The following TMEM132D variants were observed in gnomAD, a reference collection of about 807,000 sequenced individuals.
The protein encoded by TMEM132D is mature OL transmembrane protein.
A neutral mutation model predicts 62.3 loss-of-function variants in TMEM132D; 21 were observed. The ratio of observed to expected loss-of-function variants is 0.34; its 90% CI spans 0.24 to 0.49. The LOEUF (loss-of-function observed/expected upper bound fraction) is 0.49, where lower values mean the gene tolerates loss of function less well. Among genes scored for constraint, TMEM132D ranks in the 20% least tolerant of loss-of-function variants. The probability of loss-of-function intolerance (pLI) is 0.99; values close to 1 mark genes in which losing one functional copy is unlikely to be tolerated. For synonymous variants in TMEM132D, 621 were observed against 575.6 expected (o/e 1.08, Z -1.13); for missense variants, 1,346 against 1,402.8 (o/e 0.96, Z 0.65).
chr12:129,143,348 G>A (rs1175622970), intron 5 of TMEM132D, among the ~76,000 whole-genome samples: 1 of 152,154 alleles, frequency 6.6e-6, no homozygotes. Flanking sequence ...ATGGGGGAGG[G>A]GGCATGGAGC....
chr12:129,692,019 G>A (rs1056477938), intron 2 of TMEM132D, among the ~76,000 whole-genome samples: 3 of 151,764 alleles, frequency 2.0e-5, no homozygotes, highest in African/African-American at 4.8e-5. Context: ...GAAAATTTAC[G>A]AACATTTAAG....
At chr12:129,760,183 A>C (rs897066218) in intron 1 of TMEM132D, among the ~76,000 whole-genome samples, 12 of 152,106 alleles carry the variant, frequency 7.9e-5, no homozygotes, top group Non-Finnish European at 1.0e-4. Context: ...CTGAGATTAC[A>C]GGCATGAGCC....
Position 129,391,882 on chromosome 12 carries a change from G to A in TMEM132D, c.1116-54065C>T, listed in dbSNP as rs144254779. 2.4e-3 allele frequency among the ~76,000 whole-genome samples: 369 copies of A among 151,618 alleles called. 4 individuals carry two copies. Among genetic ancestry groups the A allele is most frequent in the African/African-American group, 7.9e-3 (327 of 41,320 alleles). On this transcript the variant is annotated intron_variant, in intron 3 of 8. Coordinates refer to ENST00000422113, the MANE Select transcript of TMEM132D (RefSeq NM_133448.3). The stretch of plus-strand genomic sequence containing the variant: ...AGTGATTCTCCTGTCTCAGCCTCCC[G>A]AGTATCTGGGATTACAGGCGCCCAC...
At chr12:129,748,055 T>G (rs1283748385) in intron 1 of TMEM132D, among the ~76,000 whole-genome samples, 2 of 152,198 alleles carry the variant, frequency 1.3e-5, no homozygotes, top group Non-Finnish European at 2.9e-5. Context: ...GCAACAGGGC[T>G]TGGTGCATGG....
chr12:129,103,010 A>T (rs528454122), intron 5 of TMEM132D, among the ~76,000 whole-genome samples: 1 of 152,222 alleles, frequency 6.6e-6, no homozygotes, highest in Non-Finnish European at 1.5e-5. Flanking sequence ...CATACATATC[A>T]GCACATTTAC....
chr12:129,304,301 C>T (rs1881790865), intron 4 of TMEM132D, among the ~76,000 whole-genome samples: 1 of 152,142 alleles, frequency 6.6e-6, no homozygotes, highest in South Asian at 2.1e-4. Context: ...CCTCCGATAC[C>T]GTGCAAAGAC....
chr12:129,612,860 C>T (rs773948695), intron 2 of TMEM132D, among the ~76,000 whole-genome samples: 3 of 152,134 alleles, frequency 2.0e-5, no homozygotes, highest in Non-Finnish European at 4.4e-5. Flanking sequence ...AGCGAGACTC[C>T]GTCTCCAACA....
intron 5 of TMEM132D, among the ~76,000 whole-genome samples, chr12:129,161,492 G>A (rs1729276589): frequency 6.6e-6 from 1 of 152,228 alleles, no homozygotes; most frequent in African/African-American, 2.4e-5. Context: ...GCCGTGGGGA[G>A]ATGGTGCAGG....
intron 4 of TMEM132D, among the ~76,000 whole-genome samples, chr12:129,323,614 CA>C (rs1289500535): frequency 6.6e-5 from 10 of 152,132 alleles, no homozygotes; most frequent in African/African-American, 2.4e-4. Context: ...GGGAAGTTCA[CA>C]GGTTATAAAA....
chr12:129,458,545 T>C (rs927588703), intron 3 of TMEM132D, among the ~76,000 whole-genome samples: 2 of 152,102 alleles, frequency 1.3e-5, no homozygotes, highest in East Asian at 3.9e-4. Context: ...CTGATAAGGA[T>C]AATTACACAG....
At chr12:129,595,744 C>T (rs55851595) in intron 2 of TMEM132D, among the ~76,000 whole-genome samples, 7,354 of 152,234 alleles carry the variant, frequency 0.048, 276 homozygotes, top group South Asian at 0.1. Context: ...CAGAGCCACC[C>T]GCAGAGGAGC....
At chr12:129,361,696 G>A (rs9971665) in intron 3 of TMEM132D, among the ~76,000 whole-genome samples, 2 of 151,986 alleles carry the variant, frequency 1.3e-5, no homozygotes, top group Admixed American at 6.6e-5. Context: ...TATTGCAAAG[G>A]GATATTTAGA....
intron 2 of TMEM132D, among the ~76,000 whole-genome samples, chr12:129,557,790 C>T (rs770096249): frequency 3.9e-5 from 6 of 152,160 alleles, no homozygotes; most frequent in Admixed American, 2.0e-4. Flanking sequence ...ATGGGTAAAT[C>T]TGATTGTGAC....
chr12:129,777,457 C>CA (rs1188871033), intron 1 of TMEM132D, among the ~76,000 whole-genome samples: 1 of 152,228 alleles, frequency 6.6e-6, no homozygotes, highest in East Asian at 1.9e-4. Context: ...CTCTGGTTAA[C>CA]AGCTTCCTTG....
intron 3 of TMEM132D, 73 bp from the exon 4 acceptor site, chr12:129,337,890 G>A (rs1367045092): frequency 2.0e-6 from 3 of 1,476,624 alleles, no homozygotes; most frequent in Non-Finnish European, 1.8e-6. Context: ...GAGAGTGGGC[G>A]GCCCTTGGCC....
At chr12:129,731,329 A>T (rs1869228672) in intron 1 of TMEM132D, among the ~76,000 whole-genome samples, 1 of 152,172 alleles carries the variant, frequency 6.6e-6, no homozygotes, top group African/African-American at 2.4e-5. Context: ...TTAAAAAAAA[A>T]TGCATAGTAT....
In TMEM132D at chr12:129,371,614, ATGATGATGGTGGTGATGG is replaced by A. The variant is rs1448572177; in HGVS notation, c.1116-33815_1116-33798del. ...ACAATGATCATGGCAGATTGTGGTG[ATGATGATGGTGGTGATGG>A]TGATGGTGGTGGTGATGGTGATGGT... On this transcript the variant is annotated intron_variant, in intron 3 of 8. Transcript: ENST00000422113. The surrounding 1 kb of genome is among the most constrained non-coding windows in gnomAD (Gnocchi z 4.3). Among the ~76,000 whole-genome samples, 5 of 151,690 alleles carry A rather than the reference ATGATGATGGTGGTGATGG, an allele frequency of 3.3e-5. No individual in the cohort carries two copies. The highest frequency in any genetic ancestry group is 4.8e-5 in the African/African-American group (2 of 41,260).
At chr12:129,466,157 T>G (rs774219859) in intron 3 of TMEM132D, among the ~76,000 whole-genome samples, 9 of 152,218 alleles carry the variant, frequency 5.9e-5, no homozygotes, top group Non-Finnish European at 1.0e-4. Flanking sequence ...ATTGTTATCA[T>G]TATTTTCTGC....
At chr12:129,650,259 C>T (rs1328169648) in intron 2 of TMEM132D, among the ~76,000 whole-genome samples, 6 of 151,984 alleles carry the variant, frequency 3.9e-5, no homozygotes, top group South Asian at 4.2e-4. Context: ...TCTTTTTGCT[C>T]GATATTATGT....
Sources: allele counts gnomAD v4.1 joint callset (sites outside exome capture counted in the v4.1 genomes callset), GRCh38; gene constraint gnomAD v4.1.1; non-coding constraint Gnocchi (gnomAD v3.1); transcripts MANE v1.5; gene names NCBI Gene and HGNC (gene_info 2026-07-23, HGNC 2026-07-21).